GLIPR1L2: variants seen among roughly 807,000 people sequenced by gnomAD.
The protein encoded by GLIPR1L2 is GLIPR1-like protein 2.
Under a neutral mutation model 28.4 loss-of-function variants are expected in GLIPR1L2, and 21 were observed. That is an observed-to-expected ratio of 0.74 (90% CI 0.52 to 1.06). The LOEUF is 1.06. Among genes scored for constraint, GLIPR1L2 ranks in the 50% least tolerant of loss-of-function variants. The probability of loss-of-function intolerance (pLI) is 0.00; values close to 1 mark genes in which losing one functional copy is unlikely to be tolerated. For synonymous variants in GLIPR1L2, 145 were observed against 139.3 expected (o/e 1.04, Z -0.29); for missense variants, 476 against 416.9 (o/e 1.14, Z -1.23).
intron 1 of GLIPR1L2, among the ~76,000 whole-genome samples, chr12:75,394,885 T>G (rs1308325076): frequency 6.6e-6 from 1 of 151,740 alleles, no homozygotes; most frequent in Non-Finnish European, 1.5e-5. Context: ...ACACAGTATG[T>G]CTTTTCACTT....
At chr12:75,398,163 C>G (rs1390063052) in intron 1 of GLIPR1L2, among the ~76,000 whole-genome samples, 1 of 151,688 alleles carries the variant, frequency 6.6e-6, no homozygotes, top group East Asian at 1.9e-4. Flanking sequence ...AACCCTGTCC[C>G]TACTAACAAT....
intron 3 of GLIPR1L2, among the ~76,000 whole-genome samples, chr12:75,422,427 C>G (rs1234807302): frequency 6.6e-6 from 1 of 151,846 alleles, no homozygotes; most frequent in East Asian, 1.9e-4. Context: ...CTCAGCCTCC[C>G]GAGTAGCTGG....
At chr12:75,401,138 T>C (rs1194228006) in intron 1 of GLIPR1L2, among the ~76,000 whole-genome samples, 1 of 151,534 alleles carries the variant, frequency 6.6e-6, no homozygotes, top group Admixed American at 6.6e-5. Flanking sequence ...GAGGGAAAAA[T>C]AGGAAATGAC....
intron 3 of GLIPR1L2, among the ~76,000 whole-genome samples, 183 bp downstream of exon 3, chr12:75,413,884 A>G (rs2045898135): frequency 3.3e-5 from 5 of 152,016 alleles, no homozygotes; most frequent in Admixed American, 3.3e-4. Context: ...GATTGTACTT[A>G]TACACTAGCC....
chr12:75,421,681 C>CT (rs1373651927), intron 3 of GLIPR1L2, among the ~76,000 whole-genome samples: 6 of 152,010 alleles, frequency 3.9e-5, no homozygotes, highest in Non-Finnish European at 7.4e-5. Flanking sequence ...ACTTTAGGGC[C>CT]TTTTTTCTCA....
chr12:75,391,521 C>T (rs962815644), intron 1 of GLIPR1L2, 171 bp downstream of exon 1: 5 of 1,533,020 alleles, frequency 3.3e-6, no homozygotes, highest in African/African-American at 2.7e-5. Flanking sequence ...ACTGCGGACA[C>T]TCTAACACAT....
intron 3 of GLIPR1L2, among the ~76,000 whole-genome samples, chr12:75,422,148 C>T (rs7954633): frequency 0.35 from 52,729 of 149,770 alleles, 9,548 homozygotes; most frequent in East Asian, 0.47. Context: ...GCACCATGCC[C>T]GGCTAATTAA....
At position 75,422,989 on chromosome 12, in the gene GLIPR1L2, A is replaced by G; in HGVS notation, c.670A>G (p.Ser224Gly). ...TGACAAATGCACAGATTTTCTATGC[A>G]GTAAGATAAAGAAAATAAACATGAA... ...RRDKCTDFLC[S>G]NADRDQATYY... Residue 224 changes from serine (S) to glycine (G), a missense_variant and splice_region_variant, in exon 4 of 6, where the codon AGT becomes GGT. By Grantham distance (56) the Ser-to-Gly change is moderately conservative. Coordinates refer to ENST00000550916, the MANE Select transcript of GLIPR1L2 (RefSeq NM_001270396.2). 1 of 1,611,576 alleles carries G rather than the reference A, an allele frequency of 6.2e-7. No homozygotes were observed.
At chr12:75,423,349 A>G (rs960104836) in intron 4 of GLIPR1L2, 9 of 1,046,518 alleles carry the variant, frequency 8.6e-6, no homozygotes, top group Admixed American at 5.4e-5. Flanking sequence ...ATGAAGTAGC[A>G]TATATTTAAT....
chr12:75,429,844 T>G (rs1347894162), intron 4 of GLIPR1L2, among the ~76,000 whole-genome samples: 1 of 152,048 alleles, frequency 6.6e-6, no homozygotes, highest in Non-Finnish European at 1.5e-5. Flanking sequence ...TTGTTTCCCC[T>G]TCACCTTCCA....
intron 4 of GLIPR1L2, among the ~76,000 whole-genome samples, chr12:75,427,682 C>T (rs1382746853): frequency 6.6e-6 from 1 of 152,064 alleles, no homozygotes; most frequent in Non-Finnish European, 1.5e-5. Context: ...AATTGTAATC[C>T]CCACATGTTG....
At chr12:75,394,537 T>C (rs2045662231) in intron 1 of GLIPR1L2, among the ~76,000 whole-genome samples, 1 of 152,028 alleles carries the variant, frequency 6.6e-6, no homozygotes, top group Non-Finnish European at 1.5e-5. Flanking sequence ...TAAAAATCGT[T>C]TGACCATATA....
intron 3 of GLIPR1L2, among the ~76,000 whole-genome samples, chr12:75,419,105 A>G (rs1278970941): frequency 1.3e-5 from 2 of 152,164 alleles, no homozygotes; most frequent in Non-Finnish European, 2.9e-5. Context: ...GCACATGTAT[A>G]CCTATGTAAC....
intron 4 of GLIPR1L2, chr12:75,423,732 G>C (rs1397477165): frequency 6.5e-6 from 1 of 152,694 alleles, no homozygotes; most frequent in Non-Finnish European, 1.5e-5. Flanking sequence ...CTGACCCCCT[G>C]ACAGGCCCCA....
At position 75,391,356 on chromosome 12, in the gene GLIPR1L2, G is replaced by A. The variant is rs572660300; in HGVS notation, c.234+6G>A. On this transcript the variant is annotated splice_donor_region_variant and intron_variant, in intron 1 of 5. Coordinates refer to ENST00000550916, the MANE Select transcript of GLIPR1L2 (RefSeq NM_001270396.2). The stretch of plus-strand genomic sequence containing the variant: ...GGTCTAACTTGCGCTTCATGGTGAG[G>A]CCGGAAGGCGGTTTGCCGACCCTTC... The A allele has an allele frequency of 1.3e-5, 21 of 1,613,204 alleles. No individual in the cohort carries two copies. The South Asian group carries it at 2.2e-4, about 17-fold the overall frequency.
At chr12:75,398,118 G>A (rs1296850908) in intron 1 of GLIPR1L2, among the ~76,000 whole-genome samples, 3 of 151,524 alleles carry the variant, frequency 2.0e-5, no homozygotes, top group Non-Finnish European at 4.4e-5. Context: ...ATCACTTGAG[G>A]TTAGGAGTTC....
At chr12:75,404,652 ACTTTATATGTATC>A (rs2045777235) in intron 1 of GLIPR1L2, among the ~76,000 whole-genome samples, 1 of 152,114 alleles carries the variant, frequency 6.6e-6, no homozygotes, top group African/African-American at 2.4e-5. Context: ...GATATCTATT[ACTTTATATGTATC>A]AAGTGAAACA....
chr12:75,406,484 T>C (rs1036981205), intron 1 of GLIPR1L2, among the ~76,000 whole-genome samples: 2 of 152,014 alleles, frequency 1.3e-5, no homozygotes, highest in Non-Finnish European at 2.9e-5. Context: ...GTGTTGGGCA[T>C]GGTGGCTCAT....
Position 75,391,228 on chromosome 12 carries a change from T to A in GLIPR1L2, c.112T>A (p.Ser38Thr). ...TGAGCTGTGGCTACTGCTACTGGGT[T>A]CTAGTTTGAACGCCAGATTTTTGCC... ...LCELWLLLLG[S>T]SLNARFLPDE... The change falls in exon 1 of 6, where the codon TCT becomes ACT. Residue 38 changes from serine to threonine, a missense_variant. Ser to Thr is a moderately conservative substitution (Grantham distance 58, BLOSUM62 1). Coordinates refer to ENST00000550916, the MANE Select transcript of GLIPR1L2 (RefSeq NM_001270396.2). 6.2e-7 allele frequency: 1 copy of A among 1,614,210 alleles called. No individual in the cohort carries two copies. Among genetic ancestry groups the A allele is most frequent in the Non-Finnish European group, 8.5e-7 (1 of 1,180,018 alleles).
Sources: allele counts gnomAD v4.1 joint callset (sites outside exome capture counted in the v4.1 genomes callset), GRCh38; gene constraint gnomAD v4.1.1; transcripts MANE v1.5; gene names NCBI Gene and HGNC (gene_info 2026-07-23, HGNC 2026-07-21).